Variants in PDE10A observed in about 807,000 individuals in gnomAD.
The protein encoded by PDE10A is phosphodiesterase 10A.
PDE10A carries 39 observed loss-of-function variants against 97.7 expected under a neutral mutation model. The observed-to-expected ratio is 0.40, with a 90% CI of 0.31 to 0.52. PDE10A has a LOEUF of 0.52. Among genes scored for constraint, PDE10A ranks in the 20% least tolerant of loss-of-function variants. The pLI, the probability that PDE10A is intolerant of heterozygous loss-of-function variation, is 0.56. For synonymous variants in PDE10A, 371 were observed against 376.8 expected (o/e 0.98, Z 0.18); for missense variants, 731 against 1,047.8 (o/e 0.70, Z 4.17).
chr6:165,377,751 A>C (rs1235110834), intron 18 of PDE10A, among the ~76,000 whole-genome samples: 3 of 152,128 alleles, frequency 2.0e-5, no homozygotes, highest in Non-Finnish European at 1.5e-5. Flanking sequence ...AAACTGAACA[A>C]ACACCTGTTT....
intron 1 of PDE10A, among the ~76,000 whole-genome samples, chr6:165,700,237 T>A (rs1378734422): frequency 6.6e-6 from 1 of 151,750 alleles, no homozygotes; most frequent in Non-Finnish European, 1.5e-5. Context: ...AATGTGAAAG[T>A]CCAGAAGAGG....
At chr6:165,843,683 G>T (rs1406339342) in intron 1 of PDE10A, among the ~76,000 whole-genome samples, 2 of 152,170 alleles carry the variant, frequency 1.3e-5, no homozygotes, top group African/African-American at 4.8e-5. Context: ...TCACCACAAT[G>T]GGGACTGGGT....
intron 2 of PDE10A, among the ~76,000 whole-genome samples, chr6:165,484,640 T>C (rs942281678): frequency 6.6e-6 from 1 of 152,102 alleles, no homozygotes; most frequent in Non-Finnish European, 1.5e-5. Flanking sequence ...CACAGGAAAT[T>C]AACTGCTTGC....
chr6:165,417,615 C>A (rs761088624), intron 11 of PDE10A, among the ~76,000 whole-genome samples: 1 of 149,506 alleles, frequency 6.7e-6, no homozygotes, highest in Non-Finnish European at 1.5e-5. Flanking sequence ...AGATGCTATA[C>A]TGAGGTCTAA....
At chr6:165,881,436 G>A (rs1429893822) in intron 1 of PDE10A, among the ~76,000 whole-genome samples, 2 of 138,028 alleles carry the variant, frequency 1.4e-5, no homozygotes, top group East Asian at 2.1e-4. Context: ...TTGCTCTGTC[G>A]CCAGGGTGGA....
At chr6:165,914,434 G>A (rs868245613) in intron 1 of PDE10A, among the ~76,000 whole-genome samples, 19 of 152,278 alleles carry the variant, frequency 1.2e-4, no homozygotes, top group Middle Eastern at 3.4e-3. Flanking sequence ...CTTTTCACAA[G>A]GTTTATGGAT....
intron 2 of PDE10A, among the ~76,000 whole-genome samples, chr6:165,530,070 G>A (rs1226823753): frequency 2.0e-5 from 3 of 152,106 alleles, no homozygotes; most frequent in African/African-American, 4.8e-5. Flanking sequence ...GCAGAAAAAC[G>A]TGAAAAGGTG....
intron 2 of PDE10A, among the ~76,000 whole-genome samples, chr6:165,534,168 C>A (rs1332308256): frequency 6.6e-6 from 1 of 151,818 alleles, no homozygotes; most frequent in Non-Finnish European, 1.5e-5. Context: ...AACAAAGATA[C>A]ACCAATAAGT....
intron 1 of PDE10A, among the ~76,000 whole-genome samples, chr6:165,945,693 G>T (rs1212912783): frequency 1.3e-5 from 2 of 152,234 alleles, no homozygotes; most frequent in African/African-American, 2.4e-5. Context: ...TTCCCAGCCT[G>T]CAGGACTCTG....
intron 1 of PDE10A, among the ~76,000 whole-genome samples, chr6:165,549,144 C>T (rs192632323): frequency 6.6e-6 from 1 of 152,210 alleles, no homozygotes; most frequent in Admixed American, 6.5e-5. Context: ...GACATAGAGT[C>T]GTACTCTTTT....
chr6:165,637,535 A>C (rs1175056355), intron 1 of PDE10A, among the ~76,000 whole-genome samples: 1 of 152,250 alleles, frequency 6.6e-6, no homozygotes, highest in African/African-American at 2.4e-5. Context: ...CTACACATGC[A>C]GTCAAAATTC....
intron 1 of PDE10A, among the ~76,000 whole-genome samples, chr6:165,563,248 G>A (rs1476772223): frequency 6.8e-6 from 1 of 146,606 alleles, no homozygotes; most frequent in Non-Finnish European, 1.5e-5. Context: ...GAGAGGGAGA[G>A]AGGGAGGGAG....
chr6:165,659,714 G>A (rs1251470748), intron 1 of PDE10A, among the ~76,000 whole-genome samples: 1 of 152,234 alleles, frequency 6.6e-6, no homozygotes, highest in Non-Finnish European at 1.5e-5. Flanking sequence ...TCCCTGATGA[G>A]TCTGGTTTCT....
intron 1 of PDE10A, among the ~76,000 whole-genome samples, chr6:165,886,648 C>A (rs944724393): frequency 6.6e-6 from 1 of 152,142 alleles, no homozygotes; most frequent in African/African-American, 2.4e-5. Flanking sequence ...TATGTCCCAT[C>A]GAGAATCTGT....
intron 10 of PDE10A, among the ~76,000 whole-genome samples, chr6:165,427,236 A>AT (rs1789231674): frequency 6.6e-6 from 1 of 152,166 alleles, no homozygotes; most frequent in Non-Finnish European, 1.5e-5. Context: ...TGATGAATGG[A>AT]TTTTTTAAAA....
intron 1 of PDE10A, among the ~76,000 whole-genome samples, chr6:165,546,817 T>A (rs1000073422): frequency 4.6e-5 from 7 of 152,112 alleles, no homozygotes; most frequent in African/African-American, 1.4e-4. Flanking sequence ...AACTCATGTA[T>A]GACAATACAA....
At chr6:165,945,762 A>G (rs1382356802) in intron 1 of PDE10A, among the ~76,000 whole-genome samples, 1 of 152,220 alleles carries the variant, frequency 6.6e-6, no homozygotes, top group Non-Finnish European at 1.5e-5. Context: ...AGCCTAAGAC[A>G]TTTGCTATGG....
chr6:165,432,032 C>A (rs1158123477), intron 7 of PDE10A, among the ~76,000 whole-genome samples: 2 of 152,160 alleles, frequency 1.3e-5, no homozygotes, highest in African/African-American at 2.4e-5. Flanking sequence ...TTTTCTACTT[C>A]TTTTATTATT....
At chr6:165,945,547 C>A (rs1441806010) in intron 1 of PDE10A, among the ~76,000 whole-genome samples, 1 of 152,120 alleles carries the variant, frequency 6.6e-6, no homozygotes, top group African/African-American at 2.4e-5. Context: ...GAGGGTGTAG[C>A]CTTCATGAAT....
Sources: allele counts gnomAD v4.1 joint callset (sites outside exome capture counted in the v4.1 genomes callset), GRCh38; gene constraint gnomAD v4.1.1; transcripts MANE v1.5; gene names NCBI Gene and HGNC (gene_info 2026-07-23, HGNC 2026-07-21).